ADK: variants seen among roughly 807,000 people sequenced by gnomAD.
ADK encodes the protein N6,N6-dimethyladenosine kinase.
Under a neutral mutation model 44.7 loss-of-function variants are expected in ADK, and 24 were observed. That is an observed-to-expected ratio of 0.54 (90% CI 0.39 to 0.76). ADK has a LOEUF of 0.76. Among genes scored for constraint, ADK ranks in the 30% least tolerant of loss-of-function variants. ADK has a pLI of 0.00. For missense variants in ADK, 321 were observed against 425.1 expected (o/e 0.76, Z 2.15); for synonymous variants, 128 against 142.6 (o/e 0.90, Z 0.73).
intron 9 of ADK, among the ~76,000 whole-genome samples, chr10:74,630,305 A>G (rs963476823): frequency 6.6e-6 from 1 of 151,814 alleles, no homozygotes; most frequent in African/African-American, 2.4e-5. Flanking sequence ...GACCTTTTTC[A>G]GATGTTCCCA....
rs1025009452 is a variant in ADK, at chr10:74,498,376, T to G, written c.556-26880T>G. On this transcript the variant is annotated intron_variant, in intron 6 of 10. Coordinates refer to ENST00000539909, the MANE Select transcript of ADK (RefSeq NM_006721.4). ...AGAATGGGCATGTGGTGTTATGGAA[T>G]TCATACCAAATAAGAAGAATTTTAC... Among the ~76,000 whole-genome samples, 9 of 152,198 alleles carry G rather than the reference T, an allele frequency of 5.9e-5. No homozygotes were observed. The East Asian group carries it at 1.3e-3, about 23-fold the overall frequency.
intron 3 of ADK, among the ~76,000 whole-genome samples, chr10:74,251,936 G>T (rs938054747): frequency 8.8e-6 from 1 of 113,436 alleles, no homozygotes; most frequent in Non-Finnish European, 1.7e-5. Context: ...CCTCTTTACC[G>T]TGTGATGTGA....
chr10:74,221,464 T>C (rs1166217694), intron 2 of ADK, among the ~76,000 whole-genome samples: 2 of 152,208 alleles, frequency 1.3e-5, no homozygotes, highest in African/African-American at 2.4e-5. Context: ...TTTAGAGATT[T>C]AATGCCATCC....
At chr10:74,303,784 A>G (rs556890745) in intron 3 of ADK, among the ~76,000 whole-genome samples, 2 of 151,482 alleles carry the variant, frequency 1.3e-5, no homozygotes, top group African/African-American at 4.8e-5. Flanking sequence ...CCTGGCCAAC[A>G]TAGTGAAAAC....
intron 9 of ADK, among the ~76,000 whole-genome samples, chr10:74,653,900 A>G (rs978454779): frequency 6.6e-6 from 1 of 152,254 alleles, no homozygotes; most frequent in African/African-American, 2.4e-5. Flanking sequence ...CACTGTTAAA[A>G]AAAATATCCT....
At chr10:74,450,328 A>G (rs1845732260) in intron 6 of ADK, among the ~76,000 whole-genome samples, 1 of 152,180 alleles carries the variant, frequency 6.6e-6, no homozygotes, top group Non-Finnish European at 1.5e-5. Flanking sequence ...AAGAATCAAT[A>G]CAGCAATACA....
chr10:74,227,219 A>G (rs990857512), intron 3 of ADK, among the ~76,000 whole-genome samples: 2 of 152,216 alleles, frequency 1.3e-5, no homozygotes, highest in Non-Finnish European at 2.9e-5. Context: ...AATTTTATCT[A>G]ATCAGTAATT....
intron 7 of ADK, among the ~76,000 whole-genome samples, chr10:74,542,274 C>A (rs1433498998): frequency 6.6e-6 from 1 of 152,188 alleles, no homozygotes; most frequent in Non-Finnish European, 1.5e-5. Flanking sequence ...GTCAGAGGCA[C>A]TCAGCTAAGC....
chr10:74,527,871 C>T (rs753604799), intron 7 of ADK: 97 of 893,592 alleles, frequency 1.1e-4, no homozygotes, highest in Non-Finnish European at 1.6e-4. Flanking sequence ...CTCTAACATA[C>T]GTCAGTACAG....
intron 1 of ADK, among the ~76,000 whole-genome samples, chr10:74,168,348 T>C (rs548297205): frequency 6.6e-6 from 1 of 152,010 alleles, no homozygotes; most frequent in African/African-American, 2.4e-5. Flanking sequence ...GACCATCCTG[T>C]CTAACACAGT....
chr10:74,251,336 T>C (rs1002598479), intron 3 of ADK, among the ~76,000 whole-genome samples: 1 of 152,176 alleles, frequency 6.6e-6, no homozygotes, highest in Non-Finnish European at 1.5e-5. Context: ...ATTAAACCTC[T>C]CAAATCCTCA....
chr10:74,525,998 A>G (rs1179712570), intron 7 of ADK, among the ~76,000 whole-genome samples: 3 of 152,098 alleles, frequency 2.0e-5, no homozygotes, highest in Non-Finnish European at 1.5e-5. Context: ...ATTTACTTAT[A>G]GTAAGAGTCA....
At chr10:74,526,334 A>C (rs1265269470) in intron 7 of ADK, among the ~76,000 whole-genome samples, 1 of 152,028 alleles carries the variant, frequency 6.6e-6, no homozygotes. Context: ...TTAAATGCTT[A>C]TTTACTTTGA....
intron 1 of ADK, among the ~76,000 whole-genome samples, chr10:74,177,506 C>T (rs1225610725): frequency 1.3e-5 from 2 of 152,120 alleles, no homozygotes; most frequent in Admixed American, 6.5e-5. Flanking sequence ...TGGAGACTTT[C>T]CCCCAATTGC....
chr10:74,510,612 A>G (rs1848266457), intron 6 of ADK, among the ~76,000 whole-genome samples: 1 of 152,038 alleles, frequency 6.6e-6, no homozygotes, highest in Non-Finnish European at 1.5e-5. Flanking sequence ...GTGCTTTTGA[A>G]GTTGTATTCA....
intron 6 of ADK, among the ~76,000 whole-genome samples, chr10:74,510,693 A>C (rs1463990723): frequency 2.0e-5 from 3 of 152,014 alleles, no homozygotes; most frequent in African/African-American, 7.2e-5. Flanking sequence ...TTATCCTTTT[A>C]GGTCATATAT....
At chr10:74,315,448 CTT>C (rs955170201) in intron 4 of ADK, among the ~76,000 whole-genome samples, 1 of 152,118 alleles carries the variant, frequency 6.6e-6, no homozygotes, top group African/African-American at 2.4e-5. Context: ...GGCATATACT[CTT>C]TGAGTTACCA....
chr10:74,350,652 AATAG>A (rs1280673206), intron 4 of ADK, among the ~76,000 whole-genome samples: 5 of 152,202 alleles, frequency 3.3e-5, no homozygotes, highest in Non-Finnish European at 7.3e-5. Flanking sequence ...AGATTAACCA[AATAG>A]ATAGACTACT....
At chr10:74,288,510 C>T (rs1425845357) in intron 3 of ADK, among the ~76,000 whole-genome samples, 4 of 151,988 alleles carry the variant, frequency 2.6e-5, no homozygotes, top group East Asian at 3.9e-4. Flanking sequence ...ATTAGCCAGG[C>T]GTGGTGGCGG....
Sources: allele counts gnomAD v4.1 joint callset (sites outside exome capture counted in the v4.1 genomes callset), GRCh38; gene constraint gnomAD v4.1.1; transcripts MANE v1.5; gene names NCBI Gene and HGNC (gene_info 2026-07-23, HGNC 2026-07-21).